The following ST7 variants were observed in gnomAD, a reference collection of about 807,000 sequenced individuals.
The protein encoded by ST7 is suppressor of tumorigenicity 7 protein.
Under a neutral mutation model 78.7 loss-of-function variants are expected in ST7, and 28 were observed. The ratio of observed to expected loss-of-function variants is 0.36; its 90% confidence interval spans 0.26 to 0.49. The LOEUF (loss-of-function observed/expected upper bound fraction) is 0.49, where lower values mean the gene tolerates loss of function less well. Ranked by LOEUF, ST7 falls within the 20% of genes least tolerant of loss-of-function variation. ST7 has a pLI of 0.99. For synonymous variants in ST7, 247 were observed against 249.6 expected (o/e 0.99, Z 0.10); for missense variants, 418 against 696.0 (o/e 0.60, Z 4.49).
intron 1 of ST7, among the ~76,000 whole-genome samples, chr7:116,958,162 A>ATTTTTTTTTTTTTTTTTTTTT (rs34132237): frequency 2.1e-5 from 2 of 95,614 alleles, no homozygotes; most frequent in Non-Finnish European, 3.8e-5. Flanking sequence ...TGCGTGGCTA[A>ATTTTTTTTTTTTTTTTTTTTT]TTTTTTTTTT....
rs533807447 is a variant in ST7, at chr7:117,219,806, C to T, written c.1498+630C>T. On this transcript the variant is annotated intron_variant, in intron 14 of 15. Transcript: ENST00000323984. This position sits in a 1 kb window ranked among gnomAD's most constrained non-coding sequence, Gnocchi z 5.1. Reference sequence around the variant, plus strand: ...CAAAAGAAAACCCTGCCCTCGACTACCTTACACTTGCTAGCAGTCTAATGA... The same window carrying T: ...CAAAAGAAAACCCTGCCCTCGACTATCTTACACTTGCTAGCAGTCTAATGA... 2.6e-5 allele frequency among the ~76,000 whole-genome samples: 4 copies of T among 152,354 alleles called. No homozygotes were observed. Among genetic ancestry groups the T allele is most frequent in the African/African-American group, 9.6e-5 (4 of 41,580 alleles).
chr7:117,207,661 G>A (rs896603904), intron 12 of ST7, among the ~76,000 whole-genome samples: 6 of 152,082 alleles, frequency 3.9e-5, no homozygotes, highest in Admixed American at 2.6e-4. Flanking sequence ...GAAGATTTCT[G>A]TATACCTGGG....
intron 8 of ST7, among the ~76,000 whole-genome samples, chr7:117,138,062 G>GA (rs1018147167): frequency 5.3e-5 from 8 of 150,126 alleles, no homozygotes; most frequent in African/African-American, 1.5e-4. Context: ...TGTCAAGAAT[G>GA]AAAAAAAAAT....
chr7:116,968,505 C>G, intron 1 of ST7: 1 of 426,072 alleles, frequency 2.3e-6, no homozygotes, highest in South Asian at 1.7e-5. Context: ...CCATGCCTGG[C>G]TTAGAAAAGG....
intron 1 of ST7, among the ~76,000 whole-genome samples, chr7:117,011,136 G>T (rs1424574233): frequency 2.6e-5 from 4 of 151,126 alleles, no homozygotes; most frequent in Middle Eastern, 3.4e-3. Flanking sequence ...TAAGTATTTT[G>T]TGTGTGTGTG....
At chr7:117,099,933 TACACTAACAGGTTACAGTGATTATCTTGC>T in intron 2 of ST7, 89 bp downstream of exon 2, 1 of 1,001,646 alleles carries the variant, frequency 1.0e-6, no homozygotes. Flanking sequence ...TGGAAGAATA[TACACTAACAGGTTACAGTGATTATCTTGC>T]ACATGTATAT....
At chr7:116,970,880 C>G (rs774559266) in intron 1 of ST7, among the ~76,000 whole-genome samples, 6 of 152,148 alleles carry the variant, frequency 3.9e-5, no homozygotes, top group Admixed American at 6.6e-5. Flanking sequence ...TTCTCTCCCA[C>G]TATTTTTTTT....
intron 12 of ST7, among the ~76,000 whole-genome samples, chr7:117,205,654 C>T (rs551536473): frequency 3.9e-5 from 6 of 152,218 alleles, no homozygotes; most frequent in Admixed American, 1.3e-4. Context: ...AGTCTCCACT[C>T]AGAGACCTCC....
Position 117,209,950 on chromosome 7 carries a change from C to CT in ST7, c.1405+20dup, listed in dbSNP as rs1470108180. The CT allele has an allele frequency of 6.2e-7, 1 of 1,601,562 alleles. No homozygotes were observed. The highest frequency in any genetic ancestry group is 2.2e-5 in the East Asian group (1 of 44,772). ...ACGTGGGAAGGCAGTAAGTAATTTTCTTTTTTTGAAACATTTTTAAGAGCA... is the reference window on the plus strand; with the variant it reads ...ACGTGGGAAGGCAGTAAGTAATTTTCTTTTTTTTGAAACATTTTTAAGAGCA... On this transcript the variant is annotated intron_variant, in intron 13 of 15. Coordinates refer to ENST00000323984, the MANE Select transcript of ST7 (RefSeq NM_001369598.1).
chr7:117,159,048 C>T (rs1181821681), intron 9 of ST7, among the ~76,000 whole-genome samples: 1 of 152,160 alleles, frequency 6.6e-6, no homozygotes, highest in East Asian at 1.9e-4. Context: ...TTGCCTTTCT[C>T]ACTCAAGGAA....
intron 1 of ST7, among the ~76,000 whole-genome samples, chr7:117,035,514 T>G (rs1584495894): frequency 6.6e-6 from 1 of 152,232 alleles, no homozygotes; most frequent in South Asian, 2.1e-4. Flanking sequence ...CTAATTTGCT[T>G]AAAGTAAAAC....
At chr7:117,202,915 A>G (rs927204965) in intron 12 of ST7, among the ~76,000 whole-genome samples, 2 of 152,156 alleles carry the variant, frequency 1.3e-5, no homozygotes, top group African/African-American at 4.8e-5. Flanking sequence ...GACCCCTCAC[A>G]TATACCAAAA....
At chr7:117,049,930 G>C (rs1467355291) in intron 1 of ST7, among the ~76,000 whole-genome samples, 1 of 152,084 alleles carries the variant, frequency 6.6e-6, no homozygotes, top group African/African-American at 2.4e-5. Flanking sequence ...ACCTGGCCGG[G>C]CCTGGTGGCT....
chr7:117,009,064 G>A lies in ST7; in HGVS notation c.151+55373G>A, dbSNP rs928698612. On this transcript the variant is annotated intron_variant, in intron 1 of 15. Coordinates refer to ENST00000323984, the MANE Select transcript of ST7 (RefSeq NM_001369598.1). Reference sequence around the variant, plus strand: ...AATAGAGTAGTTGTGACAGAGAACAGATGGTCCCACAAAATCTAAACTGTT... The same window carrying A: ...AATAGAGTAGTTGTGACAGAGAACAAATGGTCCCACAAAATCTAAACTGTT... Among the ~76,000 whole-genome samples the A allele has an allele frequency of 5.3e-5, 8 of 152,116 alleles. No individual in the cohort carries two copies. The South Asian group carries it at 6.2e-4, about 12-fold the overall frequency.
intron 1 of ST7, among the ~76,000 whole-genome samples, chr7:117,024,923 C>T (rs1370709073): frequency 6.6e-6 from 1 of 152,140 alleles, no homozygotes; most frequent in Non-Finnish European, 1.5e-5. Context: ...TTTTGGTTTT[C>T]ATTACTGATG....
chr7:117,147,732 C>T (rs1338169041), intron 9 of ST7, among the ~76,000 whole-genome samples: 1 of 151,872 alleles, frequency 6.6e-6, no homozygotes, highest in Non-Finnish European at 1.5e-5. Flanking sequence ...ATTGTTTCTT[C>T]TCCTCCTCAT....
intron 1 of ST7, among the ~76,000 whole-genome samples, chr7:117,088,844 A>G (rs987794329): frequency 2.6e-5 from 4 of 152,206 alleles, no homozygotes; most frequent in African/African-American, 9.6e-5. Flanking sequence ...CCACCCCATA[A>G]GAGCATGTAA....
intron 15 of ST7, among the ~76,000 whole-genome samples, chr7:117,225,748 C>T (rs1793401160): frequency 6.6e-6 from 1 of 152,170 alleles, no homozygotes; most frequent in South Asian, 2.1e-4. Flanking sequence ...TGCACTGCCA[C>T]CCCCAGCTGC....
chr7:116,991,522 C>T (rs147405278), intron 1 of ST7, among the ~76,000 whole-genome samples: 1 of 152,232 alleles, frequency 6.6e-6, no homozygotes, highest in African/African-American at 2.4e-5. Flanking sequence ...GACTTGTTCA[C>T]TACCAAGAGA....
Sources: allele counts gnomAD v4.1 joint callset (sites outside exome capture counted in the v4.1 genomes callset), GRCh38; gene constraint gnomAD v4.1.1; non-coding constraint Gnocchi (gnomAD v3.1); transcripts MANE v1.5; gene names NCBI Gene and HGNC (gene_info 2026-07-23, HGNC 2026-07-21).